The following S100Z variants were observed in gnomAD, a reference collection of about 807,000 sequenced individuals.
S100Z encodes protein S100-Z.
S100Z carries 11 observed loss-of-function variants against 8.5 expected under a neutral mutation model. The observed-to-expected ratio is 1.30, with a 90% CI of 0.82 to 2.15. The LOEUF is 2.15. S100Z is among the 30% of genes most tolerant of loss of function. The probability of loss-of-function intolerance (pLI) is 0.00; values close to 1 mark genes in which losing one functional copy is unlikely to be tolerated. For missense variants in S100Z, 126 were observed against 117.9 expected, an observed-to-expected ratio of 1.07 and a Z score of -0.32; for synonymous variants, 34 against 43.8, an observed-to-expected ratio of 0.78 and a Z score of 0.89.
intron 1 of S100Z, among the ~76,000 whole-genome samples, chr5:76,863,633 G>T (rs896134047): frequency 5.9e-5 from 9 of 152,020 alleles, no homozygotes; most frequent in Non-Finnish European, 1.2e-4. Context: ...CCGCCTCCCG[G>T]GTTCACGCCA....
chr5:76,904,609 T>G (rs547928445), intron 4 of S100Z, among the ~76,000 whole-genome samples: 1 of 152,352 alleles, frequency 6.6e-6, no homozygotes, highest in East Asian at 1.9e-4. Context: ...CATTTATGTT[T>G]GAAATGAAAT....
the S100Z span, among the ~76,000 whole-genome samples, chr5:76,932,376 G>A: frequency 6.6e-6 from 1 of 152,092 alleles, no homozygotes; most frequent in African/African-American, 2.4e-5. Flanking sequence ...TTTTGAGACA[G>A]GGTCTCTCAC....
chr5:76,879,661 C>T (rs1214938222), intron 4 of S100Z, among the ~76,000 whole-genome samples: 2 of 152,028 alleles, frequency 1.3e-5, no homozygotes, highest in African/African-American at 4.8e-5. Context: ...GAGGAGGTCA[C>T]TCCGGATGAG....
chr5:76,886,133 G>T (rs1469568668), intron 4 of S100Z, among the ~76,000 whole-genome samples: 1 of 152,122 alleles, frequency 6.6e-6, no homozygotes, highest in Non-Finnish European at 1.5e-5. Flanking sequence ...GAAAAGTGGT[G>T]CTTGCCGCTA....
downstream of S100Z, among the ~76,000 whole-genome samples, chr5:76,923,415 A>T (rs1745082126): frequency 1.3e-5 from 2 of 152,208 alleles, no homozygotes; most frequent in Admixed American, 6.6e-5. Flanking sequence ...TCCTGTTAAG[A>T]GTATTTCACA....
chr5:76,909,677 G>C (rs1193821350), intron 4 of S100Z, among the ~76,000 whole-genome samples: 1 of 152,176 alleles, frequency 6.6e-6, no homozygotes, highest in Non-Finnish European at 1.5e-5. Context: ...TGGGCTATCA[G>C]TTATGTCCCC....
intron 4 of S100Z, among the ~76,000 whole-genome samples, chr5:76,887,715 C>G (rs1743696936): frequency 6.6e-6 from 1 of 152,142 alleles, no homozygotes; most frequent in African/African-American, 2.4e-5. Flanking sequence ...GCCTTTCAAT[C>G]TGGCAGGTAG....
At chr5:76,932,373 A>G in the S100Z span, among the ~76,000 whole-genome samples, 2 of 152,094 alleles carry the variant, frequency 1.3e-5, no homozygotes, top group African/African-American at 2.4e-5. Context: ...TCTTTTTGAG[A>G]CAGGGTCTCT....
intron 1 of S100Z, among the ~76,000 whole-genome samples, chr5:76,868,052 C>A (rs193214387): frequency 1.3e-5 from 2 of 152,344 alleles, no homozygotes; most frequent in East Asian, 3.8e-4. Context: ...GTGCTATCAA[C>A]AGGTGTGTCT....
chr5:76,914,774 C>A (rs560347294), intron 4 of S100Z, among the ~76,000 whole-genome samples: 1 of 151,916 alleles, frequency 6.6e-6, no homozygotes, highest in East Asian at 1.9e-4. Context: ...CTGGAAGGAA[C>A]AAACAACTCC....
chr5:76,881,375 C>T (rs1743396880), intron 4 of S100Z, among the ~76,000 whole-genome samples: 2 of 152,160 alleles, frequency 1.3e-5, no homozygotes, highest in Admixed American at 6.5e-5. Flanking sequence ...CTACCCAGAC[C>T]AAGAGGTATT....
chr5:76,932,766 T>C, the S100Z span, among the ~76,000 whole-genome samples: 1 of 147,662 alleles, frequency 6.8e-6, no homozygotes, highest in Non-Finnish European at 1.5e-5. Context: ...GAAAATTCAT[T>C]TATTTTTTCA....
chr5:76,937,497 T>C, the S100Z span, among the ~76,000 whole-genome samples: 1 of 152,070 alleles, frequency 6.6e-6, no homozygotes, highest in East Asian at 1.9e-4. Flanking sequence ...GGCTCATGCC[T>C]ATAATCCCAG....
intron 4 of S100Z, among the ~76,000 whole-genome samples, chr5:76,894,996 T>A (rs1349344604): frequency 2.6e-5 from 4 of 152,148 alleles, no homozygotes; most frequent in African/African-American, 9.7e-5. Flanking sequence ...AAGTCTAACT[T>A]TAAATGTCTC....
intron 4 of S100Z, among the ~76,000 whole-genome samples, chr5:76,880,235 A>G (rs1743355021): frequency 6.6e-6 from 1 of 152,124 alleles, no homozygotes; most frequent in African/African-American, 2.4e-5. Flanking sequence ...GGCTATTTTC[A>G]CTTCTTTTGT....
chr5:76,920,519 C>G (rs957978425), intron 4 of S100Z, among the ~76,000 whole-genome samples, 198 bp from the exon 5 acceptor site: 1 of 152,238 alleles, frequency 6.6e-6, no homozygotes, highest in African/African-American at 2.4e-5. Flanking sequence ...TGCCTGCCCA[C>G]CTTCCACAAG....
intron 4 of S100Z, among the ~76,000 whole-genome samples, chr5:76,887,210 C>T (rs1743676974): frequency 2.0e-5 from 3 of 150,908 alleles, no homozygotes; most frequent in Admixed American, 1.3e-4. Flanking sequence ...GATTTTCGTG[C>T]CTGAGCCTCC....
At chr5:76,875,943 A>C (rs1743177466) in intron 3 of S100Z, among the ~76,000 whole-genome samples, 1 of 152,182 alleles carries the variant, frequency 6.6e-6, no homozygotes, top group Admixed American at 6.5e-5. Flanking sequence ...GTGAATGGCA[A>C]ATACTTAGAG....
chr5:76,893,014 A>C (rs917858513), intron 4 of S100Z, among the ~76,000 whole-genome samples: 7 of 152,148 alleles, frequency 4.6e-5, no homozygotes, highest in African/African-American at 1.7e-4. Context: ...GCCCTCCAGG[A>C]GACTTATCGT....
Sources: gnomAD v4.1 joint callset for allele counts (sites outside exome capture counted in the v4.1 genomes callset) on GRCh38, gnomAD v4.1.1 for gene constraint, MANE v1.5 for transcripts, NCBI Gene and HGNC (gene_info 2026-07-23, HGNC 2026-07-21) for gene names.